The following KDM4B variants were observed in gnomAD, a reference collection of about 807,000 sequenced individuals.
KDM4B encodes the protein lysine-specific demethylase 4B.
KDM4B carries 32 observed loss-of-function variants against 125.2 expected under a neutral mutation model. The observed-to-expected ratio is 0.26, with a 90% CI of 0.19 to 0.34. KDM4B has a LOEUF of 0.34. KDM4B is among the 10% of genes least tolerant of loss of function. The probability of loss-of-function intolerance (pLI) is 1.00; values close to 1 mark genes in which losing one functional copy is unlikely to be tolerated. For missense variants in KDM4B, 1,190 were observed against 1,577.7 expected (o/e 0.75, Z 4.16); for synonymous variants, 721 against 677.9 (o/e 1.06, Z -0.99).
intron 12 of KDM4B, 75 bp from the exon 13 acceptor site, chr19:5,131,812 C>G: frequency 6.3e-7 from 1 of 1,597,342 alleles, no homozygotes; most frequent in Non-Finnish European, 8.5e-7. Flanking sequence ...CACGCCGAGC[C>G]CCTGTGTGGC....
intron 1 of KDM4B, among the ~76,000 whole-genome samples, chr19:4,972,170 G>A (rs779056008): frequency 9.2e-5 from 14 of 152,154 alleles, no homozygotes; most frequent in Non-Finnish European, 1.6e-4. Context: ...CCTGGGCTCC[G>A]TTCTCATCTG....
chr19:5,147,671 A>G (rs1381251512), intron 21 of KDM4B, among the ~76,000 whole-genome samples: 2 of 144,390 alleles, frequency 1.4e-5, no homozygotes, highest in African/African-American at 5.2e-5. Flanking sequence ...TGAGCCTGGG[A>G]GGTTGAGGAT....
intron 3 of KDM4B, among the ~76,000 whole-genome samples, chr19:5,037,873 A>G (rs1038926185): frequency 1.3e-5 from 2 of 152,210 alleles, no homozygotes; most frequent in African/African-American, 4.8e-5. Context: ...TGCTTTTGCT[A>G]AAGAAACCTG....
intron 6 of KDM4B, among the ~76,000 whole-genome samples, chr19:5,070,111 A>G (rs2037899545): frequency 6.6e-6 from 1 of 152,144 alleles, no homozygotes; most frequent in Non-Finnish European, 1.5e-5. Context: ...GTTGGGGTCG[A>G]GGATGGGACT....
chr19:5,022,592 T>A (rs541128926), intron 2 of KDM4B, among the ~76,000 whole-genome samples: 6 of 152,262 alleles, frequency 3.9e-5, no homozygotes, highest in African/African-American at 1.4e-4. Context: ...CCTGCCTCAC[T>A]TAGGCCACTG....
intron 6 of KDM4B, among the ~76,000 whole-genome samples, chr19:5,052,780 C>A (rs1039140815): frequency 6.6e-6 from 1 of 152,252 alleles, no homozygotes; most frequent in Non-Finnish European, 1.5e-5. Flanking sequence ...AGCCTGAAGG[C>A]CCATGGGGTA....
chr19:5,052,940 GCC>G (rs71170888), intron 6 of KDM4B, among the ~76,000 whole-genome samples: 36 of 152,204 alleles, frequency 2.4e-4, no homozygotes, highest in Admixed American at 7.2e-4. Flanking sequence ...GTAAGGCATG[GCC>G]CCCCTCAGTG....
At chr19:5,143,468 C>T (rs1035801067) in intron 18 of KDM4B, among the ~76,000 whole-genome samples, 1 of 152,200 alleles carries the variant, frequency 6.6e-6, no homozygotes, top group African/African-American at 2.4e-5. Context: ...TTACCAGTCG[C>T]TCCCATCCCC....
intron 1 of KDM4B, among the ~76,000 whole-genome samples, chr19:5,010,691 A>C (rs944665714): frequency 6.6e-6 from 1 of 152,198 alleles, no homozygotes; most frequent in African/African-American, 2.4e-5. Flanking sequence ...TCTTTTGCCC[A>C]GGCTGGAATG....
At chr19:5,101,905 TC>T (rs2038943060) in intron 9 of KDM4B, among the ~76,000 whole-genome samples, 1 of 152,096 alleles carries the variant, frequency 6.6e-6, no homozygotes, top group Admixed American at 6.5e-5. Context: ...GTCACCCACA[TC>T]CTCCACTGTG....
In KDM4B at chr19:5,106,877, C is replaced by T. The variant is rs542448319; in HGVS notation, c.919-3745C>T. On this transcript the variant is annotated intron_variant, in intron 9 of 22. Transcript: ENST00000159111. ...ACCAGGATCTTAGGACTGGGGAGAA[C>T]GGTGGGGGCAGAGAGCCTGCAGTTG... Among the ~76,000 whole-genome samples the T allele has an allele frequency of 2.2e-4, 34 of 152,264 alleles. 1 individual carries two copies. Among genetic ancestry groups the T allele is most frequent in the Non-Finnish European group, 3.2e-4 (22 of 68,004 alleles).
intron 1 of KDM4B, among the ~76,000 whole-genome samples, chr19:5,008,193 G>C (rs1258481398): frequency 6.6e-6 from 1 of 152,244 alleles, no homozygotes; most frequent in Non-Finnish European, 1.5e-5. Context: ...ATAAATATAT[G>C]GTGTGAGGTA....
In KDM4B at chr19:5,152,048, ATAT is replaced by A. The variant is rs1217824408; in HGVS notation, c.*541_*543del. 1 of 152,230 alleles carries A rather than the reference ATAT, an allele frequency of 6.6e-6. No individual in the cohort carries two copies. The highest frequency in any genetic ancestry group is 1.5e-5 in the Non-Finnish European group (1 of 68,048). The allele number at this position is 152,230 out of a possible 1,614,324, so 9.4% of individuals were successfully genotyped here. On this transcript the variant is annotated 3_prime_UTR_variant, in exon 23 of 23. Transcript: ENST00000159111. ...GCTGTTTTTTTGTTGTTGTTTTAAA[ATAT>A]TATGATTTGGCTACAGACCAGGCAG...
chr19:5,125,826 C>CTTT (rs151318447), intron 11 of KDM4B, among the ~76,000 whole-genome samples: 45 of 149,268 alleles, frequency 3.0e-4, no homozygotes, highest in Admixed American at 2.9e-3. Flanking sequence ...GACAGAGACT[C>CTTT]CTGGGAAGGA....
At position 5,115,259 on chromosome 19, in the gene KDM4B, G is replaced by T. The variant is rs1401437735; in HGVS notation, c.1116-4394G>T. 2.0e-5 allele frequency among the ~76,000 whole-genome samples: 3 copies of T among 152,110 alleles called. No individual in the cohort carries two copies. In the East Asian group the frequency reaches 5.8e-4, roughly 29 times the overall value. Reference sequence around the variant, plus strand: ...CAGAAAGACACAGCGGGCAAACATGGGCAGCCCCTGGGGGTGCTGGGGGGA... The same window carrying T: ...CAGAAAGACACAGCGGGCAAACATGTGCAGCCCCTGGGGGTGCTGGGGGGA... On this transcript the variant is annotated intron_variant, in intron 10 of 22. Coordinates refer to ENST00000159111, the MANE Select transcript of KDM4B (RefSeq NM_015015.3). The surrounding 1 kb of genome is among the most constrained non-coding windows in gnomAD (Gnocchi z 4.2).
At chr19:5,106,255 T>G (rs1306093669) in intron 9 of KDM4B, among the ~76,000 whole-genome samples, 1 of 152,196 alleles carries the variant, frequency 6.6e-6, no homozygotes, top group African/African-American at 2.4e-5. Flanking sequence ...TCATTGTGTG[T>G]GTGTGTGTGT....
intron 9 of KDM4B, among the ~76,000 whole-genome samples, chr19:5,099,795 G>A (rs969056951): frequency 1.3e-5 from 2 of 152,208 alleles, no homozygotes; most frequent in Non-Finnish European, 2.9e-5. Context: ...ACAGTGAGAA[G>A]GCACCATCTA....
At chr19:5,091,756 A>G (rs909558600) in intron 9 of KDM4B, among the ~76,000 whole-genome samples, 3 of 148,618 alleles carry the variant, frequency 2.0e-5, no homozygotes, top group Non-Finnish European at 4.5e-5. Context: ...GGGGCTGGGG[A>G]AGGGTGGGAG....
chr19:5,121,826 C>T (rs1053083149), intron 11 of KDM4B, among the ~76,000 whole-genome samples: 11 of 152,134 alleles, frequency 7.2e-5, no homozygotes, highest in Admixed American at 2.6e-4. Flanking sequence ...TAAATGCAGG[C>T]GGATGAAAGC....
Sources: allele counts gnomAD v4.1 joint callset (sites outside exome capture counted in the v4.1 genomes callset), GRCh38; gene constraint gnomAD v4.1.1; non-coding constraint Gnocchi (gnomAD v3.1); transcripts MANE v1.5; gene names NCBI Gene and HGNC (gene_info 2026-07-23, HGNC 2026-07-21).